ZNF10: variants seen among roughly 807,000 people sequenced by gnomAD.
ZNF10 encodes zinc finger protein 10, also known as zinc finger protein 10 (KOX 1).
ZNF10 carries 8 observed loss-of-function variants against 12.2 expected under a neutral mutation model. That is an observed-to-expected ratio of 0.66 (90% CI 0.39 to 1.18). The LOEUF (loss-of-function observed/expected upper bound fraction) is 1.18. ZNF10 is among the 50% of genes most tolerant of loss of function. The pLI, the probability that ZNF10 is intolerant of heterozygous loss-of-function variation, is 0.01. For synonymous variants in ZNF10, 229 were observed against 228.2 expected, an observed-to-expected ratio of 1.00 and a Z score of -0.03; for missense variants, 603 against 678.9, an observed-to-expected ratio of 0.89 and a Z score of 1.24.
chr12:133,148,000 T>A (rs960095452), intron 2 of ZNF10, among the ~76,000 whole-genome samples: 1 of 152,164 alleles, frequency 6.6e-6, no homozygotes, highest in South Asian at 2.1e-4. Flanking sequence ...TGTCAGATAA[T>A]GTGATTTGCA....
chr12:133,135,807 GA>G (rs1955907627), intron 1 of ZNF10, among the ~76,000 whole-genome samples: 2 of 152,204 alleles, frequency 1.3e-5, no homozygotes, highest in African/African-American at 4.8e-5. Flanking sequence ...TGCACACATA[GA>G]AATCCCAGCC....
At chr12:133,142,624 A>G (rs1955952611) in intron 1 of ZNF10, among the ~76,000 whole-genome samples, 1 of 152,186 alleles carries the variant, frequency 6.6e-6, no homozygotes, top group Admixed American at 6.5e-5. Flanking sequence ...CGTTAGGGAA[A>G]TGTAAAAACT....
At chr12:133,150,846 T>TA in intron 2 of ZNF10, 182 bp from the exon 3 acceptor site, 1 of 534,304 alleles carries the variant, frequency 1.9e-6, no homozygotes, top group Non-Finnish European at 3.0e-6. Flanking sequence ...AGTAGGTACC[T>TA]AATAGCCATT....
At chr12:133,133,267 G>A (rs1955891003) in intron 1 of ZNF10, among the ~76,000 whole-genome samples, 1 of 152,084 alleles carries the variant, frequency 6.6e-6, no homozygotes, top group African/African-American at 2.4e-5. Context: ...GCAAATACTG[G>A]TAAACCTATT....
chr12:133,131,878 C>G (rs1272615579), intron 1 of ZNF10, among the ~76,000 whole-genome samples: 3 of 152,052 alleles, frequency 2.0e-5, no homozygotes, highest in Non-Finnish European at 4.4e-5. Flanking sequence ...TAAGCACTGT[C>G]TGGAAATTCT....
chr12:133,155,470 T>C lies in ZNF10; in HGVS notation c.257-33T>C, dbSNP rs375774408. 9 of 1,551,298 alleles carry C rather than the reference T, an allele frequency of 5.8e-6. No homozygotes were observed. The African/African-American group carries it at 6.9e-5, about 12-fold the overall frequency. ...CTAGCATTCTCACCTTAATACTCTG[T>C]TTAGTTACACAAACATTTTTCATTT... On this transcript the variant is annotated intron_variant, in intron 4 of 4. Coordinates refer to ENST00000248211, the MANE Select transcript of ZNF10 (RefSeq NM_015394.5).
intron 2 of ZNF10, among the ~76,000 whole-genome samples, chr12:133,149,715 C>T (rs776896007): frequency 6.6e-6 from 1 of 151,270 alleles, no homozygotes; most frequent in African/African-American, 2.4e-5. Flanking sequence ...ATGTTTAGAC[C>T]ATTTTTGTTT....
chr12:133,151,198 C>T (rs745901018), intron 3 of ZNF10, 44 bp downstream of exon 3: 2 of 1,585,872 alleles, frequency 1.3e-6, no homozygotes, highest in Non-Finnish European at 1.7e-6. Flanking sequence ...CTCCATTGAT[C>T]AAAAGGTACA....
At chr12:133,135,764 G>A (rs557514159) in intron 1 of ZNF10, among the ~76,000 whole-genome samples, 2 of 152,280 alleles carry the variant, frequency 1.3e-5, no homozygotes, top group African/African-American at 4.8e-5. Context: ...TTTCTCACAT[G>A]AGGCATTCTT....
intron 2 of ZNF10, among the ~76,000 whole-genome samples, chr12:133,148,104 T>C (rs1402355655): frequency 6.6e-6 from 1 of 152,182 alleles, no homozygotes. Context: ...AAGCTCACTT[T>C]GTCAATTTTC....
At position 133,151,793 on chromosome 12, in the gene ZNF10, C is replaced by T. The variant is rs754250303; in HGVS notation, c.161-16C>T. 6.8e-6 allele frequency: 11 copies of T among 1,607,370 alleles called. No homozygotes were observed. Among genetic ancestry groups the T allele is most frequent in the Non-Finnish European group, 9.4e-6 (11 of 1,174,306 alleles). ...CCCTGACTCTTACCCTGTTCTTTGT[C>T]TTTCACTGTGAACAGGTTATCAGCT... On this transcript the variant is annotated splice_polypyrimidine_tract_variant and intron_variant, in intron 3 of 4. Transcript: ENST00000248211.
chr12:133,145,219 G>A (rs1423878844), intron 2 of ZNF10, among the ~76,000 whole-genome samples: 1 of 152,082 alleles, frequency 6.6e-6, no homozygotes, highest in Non-Finnish European at 1.5e-5. Flanking sequence ...TGAGGTAAGG[G>A]CATTTTGAAA....
At chr12:133,131,676 C>T (rs1237116782) in intron 1 of ZNF10, among the ~76,000 whole-genome samples, 1 of 152,170 alleles carries the variant, frequency 6.6e-6, no homozygotes, top group Non-Finnish European at 1.5e-5. Flanking sequence ...CTAAAATTGT[C>T]CCCCATCTTC....
At position 133,151,855 on chromosome 12, in the gene ZNF10, A is replaced by C. The variant is rs368710008; in HGVS notation, c.207A>C (p.Gly69=). 10 of 1,613,562 alleles carry C rather than the reference A, an allele frequency of 6.2e-6. No individual in the cohort carries two copies. Among genetic ancestry groups the C allele is most frequent in the Non-Finnish European group, 6.8e-6 (8 of 1,179,680 alleles). ...ATGTGATCCTCCGGTTGGAGAAGGGAGAAGAGCCCTGGCTGGTGGAGAGAG... is the reference window on the plus strand; with the variant it reads ...ATGTGATCCTCCGGTTGGAGAAGGGCGAAGAGCCCTGGCTGGTGGAGAGAG... ...KPDVILRLEK[G]EEPWLVEREI... Residue 69 remains glycine (G), a synonymous_variant, in exon 4 of 5, where the codon GGA becomes GGC. Transcript: ENST00000248211.
chr12:133,155,618 G>A lies in ZNF10; in HGVS notation c.372G>A (p.Leu124=), dbSNP rs563553541. The A allele has an allele frequency of 6.2e-7, 1 of 1,614,026 alleles. No individual in the cohort carries two copies. Among genetic ancestry groups the A allele is most frequent in the South Asian group, 1.1e-5 (1 of 91,054 alleles). The change falls in exon 5 of 5, where the codon TTG becomes TTA. Residue 124 remains leucine, a synonymous_variant. Transcript: ENST00000248211. ...EGMARNDLWY[L]SLEEVWKCRD... ...TGGCAAGGAATGATCTCTGGTATTTGTCATTAGAAGAAGTCTGGAAATGTA... is the reference window on the plus strand; with the variant it reads ...TGGCAAGGAATGATCTCTGGTATTTATCATTAGAAGAAGTCTGGAAATGTA...
At chr12:133,149,799 T>C (rs1955997155) in intron 2 of ZNF10, among the ~76,000 whole-genome samples, 1 of 152,154 alleles carries the variant, frequency 6.6e-6, no homozygotes, top group Non-Finnish European at 1.5e-5. Context: ...TTTTCCCCCT[T>C]CTTAATTTAC....
At position 133,144,519 on chromosome 12, in the gene ZNF10, G is replaced by T. The variant is rs1240826246; in HGVS notation, c.27G>T (p.Trp9Cys). Reference protein sequence around the residue: MDAKSLTAWSRTLVTFKDV... With the variant: MDAKSLTACSRTLVTFKDV... ...TGGATGCTAAGTCACTAACTGCCTG[G>T]TCCCGGGTAAGCTGGGCTTTCTTCC... The change falls in exon 2 of 5, where the codon TGG becomes TGT. Residue 9 changes from tryptophan to cysteine, a missense_variant. Transcript: ENST00000248211. 20 of 1,613,920 alleles carry T rather than the reference G, an allele frequency of 1.2e-5. No individual in the cohort carries two copies. Among genetic ancestry groups the T allele is most frequent in the Non-Finnish European group, 1.7e-5 (20 of 1,179,920 alleles).
chr12:133,152,500 C>T (rs1274801890), intron 4 of ZNF10, among the ~76,000 whole-genome samples: 4 of 152,154 alleles, frequency 2.6e-5, no homozygotes, highest in Non-Finnish European at 4.4e-5. Flanking sequence ...CTGCAACCTC[C>T]GCCTCCCAGG....
rs1956059886 is a variant in ZNF10, at chr12:133,159,377, A to G, written c.*2409A>G. 6.6e-6 allele frequency: 1 copy of G among 152,258 alleles called. No individual in the cohort carries two copies. The highest frequency in any genetic ancestry group is 2.4e-5 in the African/African-American group (1 of 41,470). 9.4% of individuals were successfully genotyped at this position (152,258 alleles called of 1,614,324 possible). On this transcript the variant is annotated 3_prime_UTR_variant, in exon 5 of 5. Coordinates refer to ENST00000248211, the MANE Select transcript of ZNF10 (RefSeq NM_015394.5). ...AGTTTGGTAAAGGAAAAATGCTGTC[A>G]TGTGTTACAAAAGCATGATAAATAA... is the stretch of plus-strand genomic sequence containing the variant.
Sources: allele counts gnomAD v4.1 joint callset (sites outside exome capture counted in the v4.1 genomes callset), GRCh38; gene constraint gnomAD v4.1.1; transcripts MANE v1.5; gene names NCBI Gene and HGNC (gene_info 2026-07-23, HGNC 2026-07-21).